The following ABHD17C variants were observed in gnomAD, a reference collection of about 807,000 sequenced individuals.
The protein encoded by ABHD17C is alpha/beta hydrolase domain-containing protein 17C.
ABHD17C carries 11 observed loss-of-function variants against 27.9 expected under a neutral mutation model. That is an observed-to-expected ratio of 0.39 (90% CI 0.25 to 0.65). The LOEUF is 0.65. Among genes scored for constraint, ABHD17C ranks in the 30% least tolerant of loss-of-function variants. The pLI is 0.45. For missense variants in ABHD17C, 280 were observed against 470.2 expected, an observed-to-expected ratio of 0.60 and a Z score of 3.74; for synonymous variants, 233 against 209.1, an observed-to-expected ratio of 1.11 and a Z score of -0.98.
chr15:80,715,768 G>A (rs923839097), intron 1 of ABHD17C, among the ~76,000 whole-genome samples: 1 of 152,076 alleles, frequency 6.6e-6, no homozygotes, highest in Non-Finnish European at 1.5e-5. Context: ...TATTTCTTTC[G>A]ACTTTTACAT....
chr15:80,738,071 A>G (rs1369871450), intron 1 of ABHD17C, among the ~76,000 whole-genome samples: 1 of 152,094 alleles, frequency 6.6e-6, no homozygotes, highest in Admixed American at 6.5e-5. Flanking sequence ...GAAGGAAAAC[A>G]GGTCTGGGAG....
At chr15:80,706,209 T>G (rs1894646599) in intron 1 of ABHD17C, among the ~76,000 whole-genome samples, 1 of 152,264 alleles carries the variant, frequency 6.6e-6, no homozygotes, top group Admixed American at 6.5e-5. Flanking sequence ...ATGTGGCTTT[T>G]TCACAGCTCT....
intron 1 of ABHD17C, among the ~76,000 whole-genome samples, chr15:80,726,180 G>A (rs1894972150): frequency 6.6e-6 from 1 of 152,218 alleles, no homozygotes; most frequent in African/African-American, 2.4e-5. Flanking sequence ...GCTATTGTTT[G>A]TGGCTTAAGA....
chr15:80,717,993 G>C (rs575716952), intron 1 of ABHD17C, among the ~76,000 whole-genome samples: 2 of 152,266 alleles, frequency 1.3e-5, no homozygotes, highest in African/African-American at 4.8e-5. Flanking sequence ...GAGTCTCTCT[G>C]AACCTGTTCC....
intron 1 of ABHD17C, among the ~76,000 whole-genome samples, chr15:80,719,485 G>T (rs1894859420): frequency 6.6e-6 from 1 of 152,142 alleles, no homozygotes; most frequent in African/African-American, 2.4e-5. Context: ...CAGGATTAAG[G>T]TTGCAAACAT....
At chr15:80,746,772 G>C (rs115823681) in intron 1 of ABHD17C, among the ~76,000 whole-genome samples, 1 of 152,142 alleles carries the variant, frequency 6.6e-6, no homozygotes, top group Non-Finnish European at 1.5e-5. Flanking sequence ...CTCTTGGGTC[G>C]GTGCCTGTTC....
chr15:80,716,445 C>G (rs1894804609), intron 1 of ABHD17C, among the ~76,000 whole-genome samples: 1 of 152,138 alleles, frequency 6.6e-6, no homozygotes, highest in African/African-American at 2.4e-5. Flanking sequence ...TGTAGGTCCC[C>G]CACAATTTCT....
chr15:80,747,854 C>G (rs559889173), intron 1 of ABHD17C, among the ~76,000 whole-genome samples: 3 of 152,144 alleles, frequency 2.0e-5, no homozygotes, highest in Non-Finnish European at 4.4e-5. Flanking sequence ...TGCCGGATCT[C>G]CCAGCTTCCT....
chr15:80,713,341 C>A (rs1353174657), intron 1 of ABHD17C, among the ~76,000 whole-genome samples: 1 of 104,784 alleles, frequency 9.5e-6, no homozygotes, highest in African/African-American at 4.1e-5. Flanking sequence ...AGGAAAGCCA[C>A]TGAGGTCTTG....
chr15:80,749,290 A>G (rs1353564533), intron 1 of ABHD17C, among the ~76,000 whole-genome samples: 1 of 152,174 alleles, frequency 6.6e-6, no homozygotes, highest in African/African-American at 2.4e-5. Context: ...TTTTTTGCAA[A>G]TGTTGTGGAA....
chr15:80,695,616 A>ACCGCCG lies in ABHD17C; in HGVS notation c.198_203dup (p.Ala68_Ala69dup), dbSNP rs963211896. The ACCGCCG allele has an allele frequency of 2.6e-5, 30 of 1,170,112 alleles. No individual in the cohort carries two copies. In the South Asian group the frequency reaches 4.1e-4, roughly 16 times the overall value. The allele number at this position is 1,170,112 out of a possible 1,614,324, so 72.5% of individuals were successfully genotyped here. On this transcript the variant is annotated inframe_insertion, in exon 1 of 3. Transcript: ENST00000258884. This position sits in a 1 kb window ranked among gnomAD's most constrained non-coding sequence, Gnocchi z 4.3. Reference sequence around the variant, plus strand: ...GTCCGCCCCGGCCCCGGCCCAGGCTACCGCCGCCGCCGCCGCGGCCCAGCC... The same window carrying ACCGCCG: ...GTCCGCCCCGGCCCCGGCCCAGGCTACCGCCGCCGCCGCCGCCGCCGCGGCCCAGCC...
intron 1 of ABHD17C, among the ~76,000 whole-genome samples, chr15:80,732,626 G>A (rs993562028): frequency 1.1e-4 from 16 of 152,138 alleles, no homozygotes; most frequent in African/African-American, 3.4e-4. Context: ...GAAATACAAG[G>A]AAAACAGAAG....
intron 1 of ABHD17C, among the ~76,000 whole-genome samples, chr15:80,720,865 G>T (rs999628308): frequency 6.6e-6 from 1 of 151,254 alleles, no homozygotes; most frequent in Non-Finnish European, 1.5e-5. Flanking sequence ...AGGTTGCAGT[G>T]AGCCGAGATC....
intron 1 of ABHD17C, among the ~76,000 whole-genome samples, chr15:80,745,145 A>T (rs1895265196): frequency 6.6e-6 from 1 of 152,160 alleles, no homozygotes; most frequent in Non-Finnish European, 1.5e-5. Context: ...TTGTGGTGTG[A>T]CATAGACTAT....
chr15:80,729,496 G>A (rs1398716388), intron 1 of ABHD17C, among the ~76,000 whole-genome samples: 1 of 152,046 alleles, frequency 6.6e-6, no homozygotes, highest in African/African-American at 2.4e-5. Context: ...GTTATGTTAT[G>A]GAAAGCATTT....
intron 2 of ABHD17C, among the ~76,000 whole-genome samples, chr15:80,753,635 A>C (rs149997032): frequency 6.6e-6 from 1 of 152,122 alleles, no homozygotes; most frequent in African/African-American, 2.4e-5. Flanking sequence ...TCCCACTCCT[A>C]GTTCAAGCAA....
intron 1 of ABHD17C, among the ~76,000 whole-genome samples, chr15:80,696,617 G>C (rs537641647): frequency 6.6e-6 from 1 of 152,296 alleles, no homozygotes; most frequent in African/African-American, 2.4e-5. Context: ...AAGTTAGCTG[G>C]TAGCTGTGGG....
intron 1 of ABHD17C, among the ~76,000 whole-genome samples, chr15:80,701,248 G>T (rs1161286421): frequency 6.6e-6 from 1 of 152,070 alleles, no homozygotes; most frequent in Non-Finnish European, 1.5e-5. Flanking sequence ...TCCTCCAGTA[G>T]CAAGTTACTT....
chr15:80,702,876 A>G (rs1306316886), intron 1 of ABHD17C: 1 of 152,160 alleles, frequency 6.6e-6, no homozygotes, highest in Non-Finnish European at 1.5e-5. Flanking sequence ...TTCTAATTTC[A>G]TCTAAAAGAT....
Sources: allele counts gnomAD v4.1 joint callset (sites outside exome capture counted in the v4.1 genomes callset), GRCh38; gene constraint gnomAD v4.1.1; non-coding constraint Gnocchi (gnomAD v3.1); transcripts MANE v1.5; gene names NCBI Gene and HGNC (gene_info 2026-07-23, HGNC 2026-07-21).